Variants in PITPNA observed in about 807,000 individuals in gnomAD.
PITPNA encodes the protein phosphatidylinositol transfer protein alpha isoform.
PITPNA carries 13 observed loss-of-function variants against 50.3 expected under a neutral mutation model. The ratio of observed to expected loss-of-function variants is 0.26; its 90% confidence interval spans 0.17 to 0.41. The LOEUF is 0.41. Among genes scored for constraint, PITPNA ranks in the 10% least tolerant of loss-of-function variants. PITPNA has a pLI of 1.00. For synonymous variants in PITPNA, 120 were observed against 119.6 expected, an observed-to-expected ratio of 1.00 and a Z score of -0.02; for missense variants, 207 against 333.4, an observed-to-expected ratio of 0.62 and a Z score of 2.95.
In PITPNA at chr17:1,518,806, C is replaced by CT. The variant is rs971846935; in HGVS notation, c.*1754dup. 1 of 152,218 alleles carries CT rather than the reference C, an allele frequency of 6.6e-6. No homozygotes were observed. Among genetic ancestry groups the CT allele is most frequent in the Non-Finnish European group, 1.5e-5 (1 of 68,036 alleles). The allele number at this position is 152,218 out of a possible 1,614,324, so 9.4% of individuals were successfully genotyped here. ...AATATAATGAATAGCTAACACAGAG[C>CT]TTATAGGAAAACACTGACATTTTTC... On this transcript the variant is annotated 3_prime_UTR_variant, in exon 12 of 12. Transcript: ENST00000313486.
At chr17:1,543,107 AAGG>A in intron 4 of PITPNA, 80 bp from the exon 5 acceptor site, 1 of 1,060,248 alleles carries the variant, frequency 9.4e-7, no homozygotes, top group Non-Finnish European at 1.4e-6. Context: ...CACCCCCCAC[AAGG>A]AGGACGAATG....
chr17:1,530,698 A>T (rs2075576319), intron 10 of PITPNA, among the ~76,000 whole-genome samples: 1 of 151,226 alleles, frequency 6.6e-6, no homozygotes, highest in African/African-American at 2.5e-5. Context: ...ATGACATGAC[A>T]GTAAAGGAAT....
At chr17:1,534,683 A>AC (rs750111816) in intron 9 of PITPNA, among the ~76,000 whole-genome samples, 1 of 152,238 alleles carries the variant, frequency 6.6e-6, no homozygotes, top group Non-Finnish European at 1.5e-5. Flanking sequence ...AATTCAGGGC[A>AC]CCGGCCAACC....
chr17:1,540,008 G>A (rs759098892), intron 6 of PITPNA, among the ~76,000 whole-genome samples: 11 of 152,204 alleles, frequency 7.2e-5, no homozygotes, highest in East Asian at 1.9e-4. Flanking sequence ...CCCAGCCCCC[G>A]CTGGATTTTA....
At chr17:1,534,560 T>G (rs2075603500) in intron 9 of PITPNA, among the ~76,000 whole-genome samples, 1 of 152,156 alleles carries the variant, frequency 6.6e-6, no homozygotes, top group Non-Finnish European at 1.5e-5. Context: ...CTGTCTCTGG[T>G]GTCTAATGCC....
chr17:1,548,224 G>A lies in PITPNA; in HGVS notation c.289+72C>T, dbSNP rs551803350. On this transcript the variant is annotated intron_variant, in intron 4 of 11. Coordinates refer to ENST00000313486, the MANE Select transcript of PITPNA (RefSeq NM_006224.4). The stretch of plus-strand genomic sequence containing the variant: ...CCCGAGCCTTTCCCTGGCCTAATCC[G>A]GAACACGCAGGTGGGACCCACAGCT... The A allele has an allele frequency of 9.1e-4, 893 of 980,930 alleles. 5 individuals are homozygous for A. Among genetic ancestry groups the A allele is most frequent in the South Asian group, 1.9e-3 (129 of 66,644 alleles). The allele number at this position is 980,930 out of a possible 1,614,324, so 60.8% of individuals were successfully genotyped here. A position where few individuals can be genotyped will look rare whatever the true frequency, so the allele number is the denominator to read the frequency against.
chr17:1,551,555 A>G (rs1567585975), intron 3 of PITPNA, among the ~76,000 whole-genome samples: 1 of 152,048 alleles, frequency 6.6e-6, no homozygotes, highest in Non-Finnish European at 1.5e-5. Flanking sequence ...GGCCTCCCAA[A>G]GTGCTGGGAT....
chr17:1,527,384 C>T (rs2075553888), intron 10 of PITPNA, among the ~76,000 whole-genome samples: 1 of 152,118 alleles, frequency 6.6e-6, no homozygotes, highest in African/African-American at 2.4e-5. Context: ...GCTGGGATTG[C>T]AGGCGTGCAC....
rs570899374 is a variant in PITPNA at position 1,532,083 on chromosome 17, CTT to C, written c.768+2014_768+2015del. On this transcript the variant is annotated intron_variant, in intron 10 of 11. Transcript: ENST00000313486. ...TCTCCATGGAATGGAGAAAGATTTT[CTT>C]TTCTTTTTCTTTTTTTCCTTGAGAC... Among the ~76,000 whole-genome samples the C allele has an allele frequency of 1.9e-3, 290 of 152,158 alleles. 1 individual carries two copies. The highest frequency in any genetic ancestry group is 6.7e-3 in the African/African-American group (278 of 41,506).
intron 2 of PITPNA, among the ~76,000 whole-genome samples, chr17:1,557,051 G>A (rs2075738488): frequency 6.6e-6 from 1 of 152,156 alleles, no homozygotes; most frequent in Non-Finnish European, 1.5e-5. Context: ...CAGGCCCCAG[G>A]TACATCCCCA....
rs1189840339 is a variant in PITPNA at position 1,519,694 on chromosome 17, AGAG to A, written c.*864_*866del. ...AGTGGCAGCACCAGCCCCAAAGGGA[AGAG>A]GAGGAGCAGGGACTTACAGAGCTCC... is the stretch of plus-strand genomic sequence containing the variant. On this transcript the variant is annotated 3_prime_UTR_variant, in exon 12 of 12. Coordinates refer to ENST00000313486, the MANE Select transcript of PITPNA (RefSeq NM_006224.4). 6 of 152,700 alleles carry A rather than the reference AGAG, an allele frequency of 3.9e-5. No homozygotes were observed. Among genetic ancestry groups the A allele is most frequent in the African/African-American group, 1.4e-4 (6 of 41,466 alleles). 9.5% of individuals were successfully genotyped at this position (152,700 alleles called of 1,614,324 possible). A position where few individuals can be genotyped will look rare whatever the true frequency, so the allele number is the denominator to read the frequency against.
At chr17:1,559,865 A>C in intron 1 of PITPNA, 6 of 696,782 alleles carry the variant, frequency 8.6e-6, no homozygotes, top group Non-Finnish European at 1.1e-5. Flanking sequence ...AACAACATAA[A>C]TCCTCCAGTT....
In PITPNA at chr17:1,548,394, C is replaced by A. The variant is rs777040247; in HGVS notation, c.198-7G>T. ...AACAAACGTGGGTACTTTGCTATAG[C>A]GGGGAAAAAAAGGGGTATAAAGAGA... On this transcript the variant is annotated splice_polypyrimidine_tract_variant and splice_region_variant and intron_variant, in intron 3 of 11. Coordinates refer to ENST00000313486, the MANE Select transcript of PITPNA (RefSeq NM_006224.4). 11 of 1,577,606 alleles carry A rather than the reference C, an allele frequency of 7.0e-6. No homozygotes were observed. Among genetic ancestry groups the A allele is most frequent in the African/African-American group, 1.4e-5 (1 of 72,492 alleles).
At chr17:1,551,133 G>A (rs548433878) in intron 3 of PITPNA, among the ~76,000 whole-genome samples, 2 of 151,266 alleles carry the variant, frequency 1.3e-5, no homozygotes, top group African/African-American at 4.9e-5. Flanking sequence ...AGTCAGCGGG[G>A]CCTGATGCGA....
At chr17:1,549,264 C>CCT (rs1555532075) in intron 3 of PITPNA, among the ~76,000 whole-genome samples, 1 of 126,198 alleles carries the variant, frequency 7.9e-6, no homozygotes, top group Non-Finnish European at 1.7e-5. Context: ...AAGCCCCCTG[C>CCT]TTTTTTTTTT....
At chr17:1,560,628 C>G (rs906823886) in intron 1 of PITPNA, among the ~76,000 whole-genome samples, 4 of 152,146 alleles carry the variant, frequency 2.6e-5, no homozygotes, top group African/African-American at 7.2e-5. Context: ...ATTTCAAAAC[C>G]ACAGATTTCT....
chr17:1,551,613 T>C (rs2075709811), intron 3 of PITPNA, among the ~76,000 whole-genome samples: 1 of 152,208 alleles, frequency 6.6e-6, no homozygotes, highest in Non-Finnish European at 1.5e-5. Flanking sequence ...ATCTTTCATA[T>C]GTAGAGACCT....
chr17:1,535,545 G>T (rs2075610759), intron 7 of PITPNA, 27 bp from the exon 8 acceptor site: 1 of 1,447,164 alleles, frequency 6.9e-7, no homozygotes, highest in Admixed American at 1.7e-5. Flanking sequence ...AATTGGGGTT[G>T]GAGGGGAGTG....
chr17:1,538,683 T>G, intron 7 of PITPNA, 186 bp downstream of exon 7: 2 of 521,404 alleles, frequency 3.8e-6, no homozygotes, highest in Non-Finnish European at 6.8e-6. Context: ...TTTGGGCCAC[T>G]AATTTTCTGG....
Sources: gnomAD v4.1 joint callset for allele counts (sites outside exome capture counted in the v4.1 genomes callset) on GRCh38, gnomAD v4.1.1 for gene constraint, MANE v1.5 for transcripts, NCBI Gene and HGNC (gene_info 2026-07-23, HGNC 2026-07-21) for gene names.